The following CDH9 variants were observed in gnomAD, a reference collection of about 807,000 sequenced individuals.
CDH9 encodes the protein cadherin-9.
Under a neutral mutation model 70.9 loss-of-function variants are expected in CDH9, and 28 were observed. The ratio of observed to expected loss-of-function variants is 0.40; its 90% CI spans 0.29 to 0.54. The LOEUF (loss-of-function observed/expected upper bound fraction) is 0.54, where lower values mean the gene tolerates loss of function less well. Among genes scored for constraint, CDH9 ranks in the 20% least tolerant of loss-of-function variants. CDH9 has a pLI of 0.59. For missense variants in CDH9, 874 were observed against 984.4 expected (o/e 0.89, Z 1.50); for synonymous variants, 409 against 343.1 (o/e 1.19, Z -2.12).
At chr5:27,001,915 G>A (rs373616896) in intron 1 of CDH9, among the ~76,000 whole-genome samples, 1 of 149,932 alleles carries the variant, frequency 6.7e-6, no homozygotes, top group Non-Finnish European at 1.5e-5. Flanking sequence ...TTTTCTAAAG[G>A]GAAAGGTTGG....
intron 9 of CDH9, among the ~76,000 whole-genome samples, chr5:26,887,130 G>A (rs1223388669): frequency 6.6e-6 from 1 of 151,940 alleles, no homozygotes; most frequent in African/African-American, 2.4e-5. Context: ...TTGACAGCAT[G>A]ATATGTAACT....
chr5:26,999,205 C>A (rs1742721661), intron 1 of CDH9, among the ~76,000 whole-genome samples: 2 of 151,966 alleles, frequency 1.3e-5, no homozygotes, highest in South Asian at 4.2e-4. Context: ...AGATCATGCC[C>A]TCCAGCCTGG....
At chr5:26,929,630 T>A (rs1283011404) in intron 2 of CDH9, among the ~76,000 whole-genome samples, 1 of 151,978 alleles carries the variant, frequency 6.6e-6, no homozygotes, top group Non-Finnish European at 1.5e-5. Context: ...GAAAATGAGG[T>A]ACATGTACAC....
At position 26,902,633 on chromosome 5, in the gene CDH9, C is replaced by G. The variant is rs1475478733; in HGVS notation, c.1096G>C (p.Asp366His). 1.9e-6 allele frequency: 3 copies of G among 1,601,518 alleles called. No homozygotes were observed. The highest frequency in any genetic ancestry group is 2.6e-6 in the Non-Finnish European group (3 of 1,168,932). The change falls in exon 7 of 12, where the codon GAT becomes CAT. Residue 366 changes from aspartate to histidine, a missense_variant. By Grantham distance (81) the Asp-to-His change is moderately conservative. Transcript: ENST00000231021. ...ACAGATATTTTGACCACAGCTGTAT[C>G]TTTGAAAGGTCCCAGGTGTAAGAAT... ...PRFLHLGPFK[D>H]TAVVKISVED...
intron 2 of CDH9, among the ~76,000 whole-genome samples, chr5:26,957,499 T>G (rs1378834218): frequency 1.3e-5 from 2 of 152,026 alleles, no homozygotes; most frequent in East Asian, 3.9e-4. Context: ...CTGTCTCTAC[T>G]AAAAATACAA....
At chr5:27,003,372 A>G (rs1742804861) in intron 1 of CDH9, among the ~76,000 whole-genome samples, 1 of 152,158 alleles carries the variant, frequency 6.6e-6, no homozygotes, top group Non-Finnish European at 1.5e-5. Flanking sequence ...GGAAGAGTGT[A>G]AATCCTCACT....
intron 2 of CDH9, among the ~76,000 whole-genome samples, chr5:26,964,745 A>G (rs1346079479): frequency 1.3e-5 from 2 of 151,928 alleles, no homozygotes; most frequent in Non-Finnish European, 2.9e-5. Flanking sequence ...ACTCTTCATT[A>G]TATTAGATAA....
In CDH9 at chr5:26,915,754, T is replaced by C. The variant is rs775118338; in HGVS notation, c.399A>G (p.Arg133=). Residue 133 remains arginine, a synonymous_variant, in exon 3 of 12, where the codon AGA becomes AGG. Coordinates refer to ENST00000231021, the MANE Select transcript of CDH9 (RefSeq NM_016279.4). ...CCGGTTCCACCTGCCGCCCAGTTTT[T>C]CTGTCTATAGCCTTGGCACGAAGAA... The part of the protein sequence containing the change: ...LYILRAKAID[R]KTGRQVEPES... 6.2e-7 allele frequency: 1 copy of C among 1,613,738 alleles called. No individual in the cohort carries two copies.
rs756008394 is a variant in CDH9, at chr5:26,881,454, T to G, written c.2052A>C (p.Glu684Asp). Residue 684 changes from glutamate (E) to aspartate (D), a missense_variant, in exon 12 of 12, where the codon GAA (glutamate) becomes GAC (aspartate). Transcript: ENST00000231021. ...IGTLRNPEAR[E>D]DSKLRRDVMP... ...TTACATCCCGTCTAAGTTTACTGTC[T>G]TCTCTTGCCTCTGGATTCCTTAATG... The G allele has an allele frequency of 6.2e-6, 10 of 1,613,716 alleles. No homozygotes were observed. The highest frequency in any genetic ancestry group is 8.5e-6 in the Non-Finnish European group (10 of 1,179,698).
intron 2 of CDH9, among the ~76,000 whole-genome samples, chr5:26,943,428 G>A (rs969158334): frequency 5.9e-5 from 9 of 151,316 alleles, no homozygotes; most frequent in Admixed American, 1.3e-4. Context: ...CAGGAGAATC[G>A]CTTGAACCTG....
chr5:26,890,031 T>G, intron 8 of CDH9, 74 bp from the exon 9 acceptor site: 2 of 1,365,778 alleles, frequency 1.5e-6, no homozygotes, highest in Non-Finnish European at 2.1e-6. Flanking sequence ...CATTTGTAGC[T>G]TAGCAACAGA....
intron 2 of CDH9, among the ~76,000 whole-genome samples, chr5:26,917,840 T>C (rs918014054): frequency 2.0e-5 from 3 of 152,106 alleles, no homozygotes; most frequent in African/African-American, 7.2e-5. Flanking sequence ...AAATGTAGTC[T>C]TATTACAATC....
At chr5:26,919,400 C>T (rs1033531124) in intron 2 of CDH9, among the ~76,000 whole-genome samples, 2 of 152,162 alleles carry the variant, frequency 1.3e-5, no homozygotes, top group African/African-American at 2.4e-5. Context: ...AGGAATTGCC[C>T]ATCCCAGTGG....
chr5:26,887,415 T>G (rs1740583823), intron 9 of CDH9, among the ~76,000 whole-genome samples: 1 of 150,940 alleles, frequency 6.6e-6, no homozygotes, highest in African/African-American at 2.4e-5. Flanking sequence ...ACTTAAAATC[T>G]ATTTTATTTT....
At chr5:26,934,840 A>G (rs545464650) in intron 2 of CDH9, among the ~76,000 whole-genome samples, 1 of 152,294 alleles carries the variant, frequency 6.6e-6, no homozygotes, top group Non-Finnish European at 1.5e-5. Context: ...AATTGCTACA[A>G]ATTCTCTAAA....
chr5:26,915,667 G>A lies in CDH9; in HGVS notation c.486C>T (p.Asp162=), dbSNP rs1369335901. The A allele has an allele frequency of 1.2e-6, 2 of 1,606,164 alleles. No homozygotes were observed. The highest frequency in any genetic ancestry group is 2.7e-5 in the African/African-American group (2 of 74,726). ...TTTCAGGAACACTGGCAGTGTATAA[G>A]TCTTTTGTAAATTTTGGCTCATTGT... ...INDNEPKFTK[D]LYTASVPEMS... is the part of the protein sequence containing the mutation. Residue 162 remains aspartate (D), a synonymous_variant, in exon 3 of 12, where the codon GAC becomes GAT. Coordinates refer to ENST00000231021, the MANE Select transcript of CDH9 (RefSeq NM_016279.4).
At chr5:26,995,135 G>T (rs1210563909) in intron 1 of CDH9, among the ~76,000 whole-genome samples, 3 of 152,250 alleles carry the variant, frequency 2.0e-5, no homozygotes, top group Non-Finnish European at 2.9e-5. Context: ...TAAATAGTTT[G>T]CAAGGTATTG....
chr5:27,017,965 A>G (rs890125600), intron 1 of CDH9, among the ~76,000 whole-genome samples: 1 of 151,876 alleles, frequency 6.6e-6, no homozygotes, highest in Admixed American at 6.6e-5. Flanking sequence ...TTATGTTGAC[A>G]ATTTTTGAGA....
intron 1 of CDH9, among the ~76,000 whole-genome samples, chr5:26,994,567 T>G (rs1245841975): frequency 6.6e-6 from 1 of 151,730 alleles, no homozygotes; most frequent in Non-Finnish European, 1.5e-5. Flanking sequence ...TTGTTTGTTT[T>G]GTTTTTTTTT....
Sources: gnomAD v4.1 joint callset for allele counts (sites outside exome capture counted in the v4.1 genomes callset) on GRCh38, gnomAD v4.1.1 for gene constraint, MANE v1.5 for transcripts, NCBI Gene and HGNC (gene_info 2026-07-23, HGNC 2026-07-21) for gene names.